Variants in GTF3C1 observed in about 807,000 individuals in gnomAD.
GTF3C1 encodes general transcription factor IIIC subunit 1, also known as general transcription factor 3C polypeptide 1.
Under a neutral mutation model 226.7 loss-of-function variants are expected in GTF3C1, and 57 were observed. The observed-to-expected ratio is 0.25, with a 90% confidence interval of 0.20 to 0.31. GTF3C1 has a LOEUF of 0.31. GTF3C1 is among the 10% of genes least tolerant of loss of function. GTF3C1 has a pLI of 1.00. For synonymous variants in GTF3C1, 1,090 were observed against 1,084.8 expected (o/e 1.00, Z -0.09); for missense variants, 2,217 against 2,776.1 (o/e 0.80, Z 4.53).
At chr16:27,487,205 T>A (rs1033001250) in intron 23 of GTF3C1, among the ~76,000 whole-genome samples, 1 of 152,250 alleles carries the variant, frequency 6.6e-6, no homozygotes, top group Non-Finnish European at 1.5e-5. Flanking sequence ...TACACATATC[T>A]ACGACAGGCG....
Position 27,545,402 on chromosome 16 carries a change from G to A in GTF3C1, c.343C>T (p.Arg115Cys), listed in dbSNP as rs772685749. ...ENKDGIQGSC[R>C]YFKERKNITN... ...ATGTTTTTCCTCTCCTTAAAGTAGC[G>A]GCATGAGCCCTGGATGCCATCCTTA... The change falls in exon 2 of 37, where the codon CGC (arginine) becomes TGC (cysteine). Residue 115 changes from arginine to cysteine, a missense_variant. This residue lies in a region of GTF3C1 where 192 missense variants were observed against 251.8 expected (regional missense o/e 0.76). Coordinates refer to ENST00000356183, the MANE Select transcript of GTF3C1 (RefSeq NM_001520.4). 13 of 1,613,164 alleles carry A rather than the reference G, an allele frequency of 8.1e-6. No individual in the cohort carries two copies. The highest frequency in any genetic ancestry group is 3.3e-5 in the Admixed American group (2 of 59,998).
intron 6 of GTF3C1, among the ~76,000 whole-genome samples, chr16:27,522,948 C>CT (rs915220412): frequency 1.1e-4 from 16 of 149,102 alleles, no homozygotes; most frequent in Admixed American, 1.3e-4. Flanking sequence ...TCTTACTGAA[C>CT]TTTTTTTTTT....
intron 6 of GTF3C1, among the ~76,000 whole-genome samples, chr16:27,527,269 C>T (rs1325857673): frequency 1.3e-5 from 2 of 152,218 alleles, no homozygotes; most frequent in African/African-American, 4.8e-5. Context: ...GCAACCTCTG[C>T]CTCCCAGGTT....
In GTF3C1 at chr16:27,497,738, T is replaced by G; in HGVS notation, c.2249A>C (p.Asp750Ala). Residue 750 changes from aspartate to alanine, a missense_variant, in exon 14 of 37, where the codon GAC (aspartate) becomes GCC (alanine). Asp to Ala is a moderately radical substitution (Grantham distance 126). Coordinates refer to ENST00000356183, the MANE Select transcript of GTF3C1 (RefSeq NM_001520.4). ...TCTAGAGGAAGCACTCAGCTGAGAG[T>G]CCCCTGATCCACTTGGGCCCTCTTT... Reference protein sequence around the residue: ...QGKEGPSGSGDSQLSASSRSE... With the variant: ...QGKEGPSGSGASQLSASSRSE... 1 of 1,613,538 alleles carries G rather than the reference T, an allele frequency of 6.2e-7. No individual in the cohort carries two copies. Among genetic ancestry groups the G allele is most frequent in the Non-Finnish European group, 8.5e-7 (1 of 1,179,484 alleles).
At chr16:27,515,780 A>G (rs1331663549) in intron 6 of GTF3C1, among the ~76,000 whole-genome samples, 3 of 152,350 alleles carry the variant, frequency 2.0e-5, no homozygotes, top group African/African-American at 7.2e-5. Context: ...TAATGTTAGC[A>G]TGGCTGAGAC....
intron 26 of GTF3C1, among the ~76,000 whole-genome samples, 190 bp from the exon 27 acceptor site, chr16:27,481,381 C>T (rs2088045166): frequency 6.6e-6 from 1 of 152,060 alleles, no homozygotes; most frequent in South Asian, 2.1e-4. Flanking sequence ...GTAGAGGAGG[C>T]AAAAGACCCT....
intron 6 of GTF3C1, among the ~76,000 whole-genome samples, chr16:27,528,340 G>A (rs1027312358): frequency 2.6e-5 from 4 of 152,174 alleles, no homozygotes; most frequent in African/African-American, 4.8e-5. Flanking sequence ...AGATGAACTT[G>A]TTTATTTGGG....
chr16:27,543,301 G>A (rs185874406), intron 2 of GTF3C1, among the ~76,000 whole-genome samples: 2 of 152,158 alleles, frequency 1.3e-5, no homozygotes, highest in Non-Finnish European at 2.9e-5. Context: ...CAGGAGAATC[G>A]CTTGAACCTG....
At chr16:27,505,723 G>A (rs1404678125) in intron 10 of GTF3C1, among the ~76,000 whole-genome samples, 176 bp downstream of exon 10, 2 of 152,234 alleles carry the variant, frequency 1.3e-5, no homozygotes, top group Non-Finnish European at 2.9e-5. Context: ...CCCAGGCTGC[G>A]TGAAAGTGGT....
rs144093175 is a variant in GTF3C1, at chr16:27,531,516, G to A, written c.849+1775C>T. 5.2e-3 allele frequency among the ~76,000 whole-genome samples: 792 copies of A among 152,278 alleles called. 4 individuals are homozygous for A. The highest frequency in any genetic ancestry group is 0.018 in the African/African-American group (735 of 41,550). On this transcript the variant is annotated intron_variant, in intron 5 of 36. Transcript: ENST00000356183. ...CATCCTTCCAGGTATGTGTTCACAC[G>A]CCTGCCCTTCTGATTAGACAGCTCC...
chr16:27,469,197 G>C lies in GTF3C1; in HGVS notation c.5074+94C>G. ...TTCTGTGGCTGCACGCCTGGCCTGG[G>C]GAGCCTGAAGGTCTAGGTCCCAGGC... On this transcript the variant is annotated intron_variant, in intron 32 of 36. Coordinates refer to ENST00000356183, the MANE Select transcript of GTF3C1 (RefSeq NM_001520.4). The surrounding 1 kb of genome is among the most constrained non-coding windows in gnomAD (Gnocchi z 4.5). The C allele has an allele frequency of 7.7e-7, 1 of 1,296,016 alleles. No individual in the cohort carries two copies. Among genetic ancestry groups the C allele is most frequent in the East Asian group, 2.5e-5 (1 of 39,312 alleles). The allele number at this position is 1,296,016 out of a possible 1,614,324, so 80.3% of individuals were successfully genotyped here.
At chr16:27,548,209 CA>C (rs1413866744) in intron 1 of GTF3C1, among the ~76,000 whole-genome samples, 2 of 152,154 alleles carry the variant, frequency 1.3e-5, no homozygotes, top group African/African-American at 4.8e-5. Context: ...GTTCTCTGTC[CA>C]ACAGTCCTCT....
chr16:27,541,933 GT>G (rs1240290034), intron 2 of GTF3C1, among the ~76,000 whole-genome samples: 2 of 152,156 alleles, frequency 1.3e-5, no homozygotes, highest in African/African-American at 4.8e-5. Context: ...ATATCACCCT[GT>G]AAAAAATTGG....
chr16:27,474,890 T>C (rs1489094372), intron 29 of GTF3C1, among the ~76,000 whole-genome samples: 1 of 152,190 alleles, frequency 6.6e-6, no homozygotes, highest in East Asian at 1.9e-4. Flanking sequence ...TGATTGATGG[T>C]CCCATGTGTC....
Position 27,486,172 on chromosome 16 carries a change from A to G in GTF3C1, c.3701-18T>C. The G allele has an allele frequency of 1.3e-6, 2 of 1,523,760 alleles. No individual in the cohort carries two copies. The highest frequency in any genetic ancestry group is 1.8e-6 in the Non-Finnish European group (2 of 1,105,822). 94.4% of individuals were successfully genotyped at this position (1,523,760 alleles called of 1,614,324 possible). A position where few individuals can be genotyped will look rare whatever the true frequency, so the allele number is the denominator to read the frequency against. On this transcript the variant is annotated intron_variant, in intron 23 of 36. Coordinates refer to ENST00000356183, the MANE Select transcript of GTF3C1 (RefSeq NM_001520.4). The stretch of plus-strand genomic sequence containing the variant: ...GAACTCTCCTAAAAACACCAGAGGG[A>G]GAAGGCAGGAGACCTCTAACACCTG...
intron 2 of GTF3C1, among the ~76,000 whole-genome samples, chr16:27,539,004 CTTTTTTTTT>C (rs899984965): frequency 2.9e-5 from 3 of 103,914 alleles, no homozygotes; most frequent in East Asian, 6.1e-4. Context: ...ACACACTCAT[CTTTTTTTTT>C]TTTTTTTTTT....
rs759278585 is a variant in GTF3C1 at position 27,462,326 on chromosome 16, G to A, written c.6085C>T (p.Leu2029=). 5.1e-6 allele frequency: 8 copies of A among 1,563,544 alleles called. No homozygotes were observed. The highest frequency in any genetic ancestry group is 1.7e-4 in the Middle Eastern group (1 of 5,988). The part of the protein sequence containing the change: ...SSLLRHYQGV[L]QPVAVLELLQ... ...AACTCCAGCACGGCGACGGGCTGCA[G>A]GACCCCCTGGTAGTGGCGCAGCAGG... Residue 2029 remains leucine (L), a synonymous_variant, in exon 36 of 37, where the codon CTG becomes TTG. Transcript: ENST00000356183. The surrounding 1 kb of genome is among the most constrained non-coding windows in gnomAD (Gnocchi z 4.5).
intron 6 of GTF3C1, among the ~76,000 whole-genome samples, chr16:27,519,037 C>T (rs906444195): frequency 2.0e-5 from 3 of 152,108 alleles, no homozygotes; most frequent in Non-Finnish European, 2.9e-5. Context: ...CTCAGGACCC[C>T]GCTTTAAGCA....
intron 6 of GTF3C1, among the ~76,000 whole-genome samples, chr16:27,516,294 C>G (rs1394569370): frequency 6.6e-6 from 1 of 152,224 alleles, no homozygotes; most frequent in Non-Finnish European, 1.5e-5. Context: ...ATGAGCTGTT[C>G]TGTGCAACAG....
Sources: allele counts gnomAD v4.1 joint callset (sites outside exome capture counted in the v4.1 genomes callset), GRCh38; gene constraint gnomAD v4.1.1; regional missense constraint gnomAD v4.1.1; non-coding constraint Gnocchi (gnomAD v3.1); transcripts MANE v1.5; gene names NCBI Gene and HGNC (gene_info 2026-07-23, HGNC 2026-07-21).